Variants in ELP4 observed in about 807,000 individuals in gnomAD.
ELP4 encodes the protein elongator complex protein 4.
Under a neutral mutation model 48.9 loss-of-function variants are expected in ELP4, and 51 were observed. The observed-to-expected ratio is 1.04, with a 90% confidence interval of 0.83 to 1.32. The LOEUF is 1.32. ELP4 is among the 40% of genes most tolerant of loss of function. The pLI, the probability that ELP4 is intolerant of heterozygous loss-of-function variation, is 0.00. For synonymous variants in ELP4, 210 were observed against 189.2 expected, an observed-to-expected ratio of 1.11 and a Z score of -0.90; for missense variants, 519 against 514.6, an observed-to-expected ratio of 1.01 and a Z score of -0.08.
At chr11:31,519,798 C>T (rs1022527703) in intron 1 of ELP4, among the ~76,000 whole-genome samples, 90 of 150,420 alleles carry the variant, frequency 6.0e-4, no homozygotes, top group African/African-American at 2.0e-3. Flanking sequence ...CCACTGCACT[C>T]CAGCGTGATC....
intron 9 of ELP4, among the ~76,000 whole-genome samples, chr11:31,782,079 T>C (rs768784221): frequency 7.2e-5 from 11 of 152,220 alleles, no homozygotes; most frequent in African/African-American, 1.7e-4. Flanking sequence ...ATTTGTATAA[T>C]AGTATCTTTT....
intron 3 of ELP4, among the ~76,000 whole-genome samples, chr11:31,549,393 C>T (rs370383330): frequency 6.6e-6 from 1 of 152,190 alleles, no homozygotes; most frequent in African/African-American, 2.4e-5. Context: ...AAAATGCTCA[C>T]CATCACTGGC....
chr11:31,623,371 A>AT (rs1944664006), intron 5 of ELP4, among the ~76,000 whole-genome samples: 1 of 106,560 alleles, frequency 9.4e-6, no homozygotes, highest in African/African-American at 3.8e-5. Context: ...ATATATATAT[A>AT]TATATATATA....
intron 9 of ELP4, among the ~76,000 whole-genome samples, chr11:31,668,824 A>G (rs1945741814): frequency 6.6e-6 from 1 of 151,904 alleles, no homozygotes; most frequent in Non-Finnish European, 1.5e-5. Context: ...AGTCAATTGA[A>G]CTTACAAGGA....
chr11:31,723,557 A>C (rs2134189871), intron 9 of ELP4, among the ~76,000 whole-genome samples: 1 of 152,312 alleles, frequency 6.6e-6, no homozygotes, highest in South Asian at 2.1e-4. Flanking sequence ...CTACAATAAA[A>C]TAATGGCTAA....
At chr11:31,715,666 C>G (rs1204312301) in intron 9 of ELP4, among the ~76,000 whole-genome samples, 1 of 152,162 alleles carries the variant, frequency 6.6e-6, no homozygotes, top group Non-Finnish European at 1.5e-5. Flanking sequence ...AAACACATAG[C>G]ATAAGTGTTT....
chr11:31,719,078 T>C (rs1054580063), intron 9 of ELP4, among the ~76,000 whole-genome samples: 10 of 151,954 alleles, frequency 6.6e-5, no homozygotes, highest in Non-Finnish European at 2.9e-5. Context: ...GGGCAACATA[T>C]TGGGACCTCG....
chr11:31,765,051 G>A (rs1811187608), intron 9 of ELP4, among the ~76,000 whole-genome samples: 1 of 152,048 alleles, frequency 6.6e-6, no homozygotes, highest in African/African-American at 2.4e-5. Flanking sequence ...CCACTCCTCA[G>A]CAAAACACTA....
intron 5 of ELP4, among the ~76,000 whole-genome samples, chr11:31,618,723 G>A (rs1285614419): frequency 3.3e-5 from 5 of 152,058 alleles, no homozygotes; most frequent in Non-Finnish European, 7.4e-5. Context: ...GTTCCTTAGG[G>A]CTAGGAGAAT....
intron 9 of ELP4, among the ~76,000 whole-genome samples, chr11:31,686,694 A>G (rs1407006245): frequency 6.6e-6 from 1 of 152,074 alleles, no homozygotes; most frequent in Non-Finnish European, 1.5e-5. Flanking sequence ...CCTGGGCAAC[A>G]TGGTGAAGCC....
chr11:31,598,970 A>AACC (rs1336678115), intron 4 of ELP4: 1 of 152,186 alleles, frequency 6.6e-6, no homozygotes, highest in East Asian at 1.9e-4. Context: ...AATGAGATAA[A>AACC]ACCACTCTGT....
At chr11:31,510,041 G>A in intron 1 of ELP4, 34 bp downstream of exon 1, 1 of 1,592,006 alleles carries the variant, frequency 6.3e-7, no homozygotes, top group African/African-American at 1.3e-5. Flanking sequence ...GCTCAGCCGA[G>A]GGGAAACTTA....
intron 9 of ELP4, among the ~76,000 whole-genome samples, chr11:31,685,407 G>C (rs1231693343): frequency 6.6e-6 from 1 of 151,766 alleles, no homozygotes; most frequent in Non-Finnish European, 1.5e-5. Flanking sequence ...AAAATCTAAA[G>C]TTACTGAATA....
chr11:31,562,166 C>T (rs757737744), intron 3 of ELP4, among the ~76,000 whole-genome samples: 22 of 152,140 alleles, frequency 1.4e-4, no homozygotes, highest in Non-Finnish European at 2.2e-4. Context: ...TAATTACATA[C>T]GGAAATTGTT....
At chr11:31,749,380 A>C (rs1947667831) in intron 9 of ELP4, among the ~76,000 whole-genome samples, 1 of 152,244 alleles carries the variant, frequency 6.6e-6, no homozygotes, top group African/African-American at 2.4e-5. Flanking sequence ...CAGATTAGTT[A>C]TAGAGAGTAC....
intron 9 of ELP4, among the ~76,000 whole-genome samples, chr11:31,704,240 AT>A (rs935752933): frequency 2.6e-5 from 4 of 152,000 alleles, no homozygotes; most frequent in African/African-American, 4.8e-5. Context: ...AAAAAAAAAA[AT>A]CTCACATGGT....
At chr11:31,668,894 A>G (rs1565103748) in intron 9 of ELP4, among the ~76,000 whole-genome samples, 1 of 151,874 alleles carries the variant, frequency 6.6e-6, no homozygotes, top group Admixed American at 6.6e-5. Context: ...GTAAATATTT[A>G]TGAAGGTATT....
intron 9 of ELP4, among the ~76,000 whole-genome samples, chr11:31,733,247 G>A (rs944782613): frequency 3.7e-4 from 56 of 152,076 alleles, no homozygotes; most frequent in South Asian, 1.0e-3. Context: ...AGGCTGAGGC[G>A]GGTGGATCAC....
rs1565182766 is a variant in ELP4 at position 31,790,018 on chromosome 11, T to A, written c.*6494T>A. The A allele has an allele frequency of 1.3e-6, 2 of 1,543,522 alleles. No individual in the cohort carries two copies. Among genetic ancestry groups the A allele is most frequent in the Non-Finnish European group, 1.7e-6 (2 of 1,147,058 alleles). ...GAACTGACACACCAGGGGAAATGAG[T>A]CCTAGAAGTGGATGAAAGAAATAGC... On this transcript the variant is annotated 3_prime_UTR_variant, in exon 10 of 10. Coordinates refer to ENST00000640961, the MANE Select transcript of ELP4 (RefSeq NM_019040.5).
Sources: gnomAD v4.1 joint callset for allele counts (sites outside exome capture counted in the v4.1 genomes callset) on GRCh38, gnomAD v4.1.1 for gene constraint, MANE v1.5 for transcripts, NCBI Gene and HGNC (gene_info 2026-07-23, HGNC 2026-07-21) for gene names.